The following NRXN1 variants were observed in gnomAD, a reference collection of about 807,000 sequenced individuals.
The protein encoded by NRXN1 is neurexin 1, also known as neurexin-1.
In NRXN1, 39 loss-of-function variants were observed where a neutral mutation model predicts 150.9. The observed-to-expected ratio is 0.26, with a 90% confidence interval of 0.20 to 0.34. The LOEUF (loss-of-function observed/expected upper bound fraction) is 0.34. Among genes scored for constraint, NRXN1 ranks in the 10% least tolerant of loss-of-function variants. The pLI is 1.00. For missense variants in NRXN1, 1,815 were observed against 1,949.9 expected (o/e 0.93, Z 1.30); for synonymous variants, 924 against 757.0 (o/e 1.22, Z -3.62).
intron 18 of NRXN1, among the ~76,000 whole-genome samples, chr2:50,194,356 T>G (rs1574429430): frequency 6.6e-6 from 1 of 152,278 alleles, no homozygotes; most frequent in Non-Finnish European, 1.5e-5. Context: ...CTCTTAATGC[T>G]TTACTATATT....
intron 5 of NRXN1, among the ~76,000 whole-genome samples, chr2:50,674,640 G>A (rs372256160): frequency 6.6e-6 from 1 of 152,154 alleles, no homozygotes; most frequent in African/African-American, 2.4e-5. Context: ...ACCTGAGAGT[G>A]TTTGGGAGTA....
At chr2:50,990,553 AG>A (rs1698395509) in intron 2 of NRXN1, among the ~76,000 whole-genome samples, 1 of 152,040 alleles carries the variant, frequency 6.6e-6, no homozygotes, top group African/African-American at 2.4e-5. Flanking sequence ...AAGAGTACAG[AG>A]GGGAACCTTA....
At chr2:50,210,522 A>C (rs1050072304) in intron 18 of NRXN1, among the ~76,000 whole-genome samples, 1 of 151,826 alleles carries the variant, frequency 6.6e-6, no homozygotes, top group Non-Finnish European at 1.5e-5. Flanking sequence ...TGTAATTTTG[A>C]ATAATCACTG....
intron 17 of NRXN1, among the ~76,000 whole-genome samples, chr2:50,307,942 T>A (rs1175386632): frequency 6.6e-6 from 1 of 152,250 alleles, no homozygotes; most frequent in Non-Finnish European, 1.5e-5. Context: ...GAGCACTGTA[T>A]TTAAGCTGAC....
intron 17 of NRXN1, among the ~76,000 whole-genome samples, chr2:50,284,547 T>C (rs751156325): frequency 6.6e-6 from 1 of 152,198 alleles, no homozygotes; most frequent in Admixed American, 6.5e-5. Context: ...AAAAAGGCTA[T>C]ATTTTGCTTT....
chr2:50,568,512 T>C lies in NRXN1; in HGVS notation c.1321-15487A>G, dbSNP rs184485626. 7.9e-5 allele frequency among the ~76,000 whole-genome samples: 12 copies of C among 152,244 alleles called. No individual in the cohort carries two copies. The East Asian group carries it at 1.9e-3, about 25-fold the overall frequency. The stretch of plus-strand genomic sequence containing the variant: ...GAAAAGACATTTCTCAAAAAAGGCA[T>C]ACAAATGTCAAAGAGGTATATGACA... On this transcript the variant is annotated intron_variant, in intron 8 of 22. Coordinates refer to ENST00000401669, the MANE Select transcript of NRXN1 (RefSeq NM_001330078.2).
chr2:51,031,263 C>T (rs181421068), intron 1 of NRXN1, among the ~76,000 whole-genome samples: 44 of 152,062 alleles, frequency 2.9e-4, no homozygotes, highest in Non-Finnish European at 4.9e-4. Flanking sequence ...AAAGAAGAAG[C>T]GCTCTAATTC....
intron 5 of NRXN1, among the ~76,000 whole-genome samples, chr2:50,645,557 T>C (rs1048106136): frequency 6.6e-6 from 1 of 152,006 alleles, no homozygotes; most frequent in Admixed American, 6.6e-5. Flanking sequence ...GTAGTCGTCA[T>C]GGTGATTGTT....
intron 18 of NRXN1, among the ~76,000 whole-genome samples, chr2:50,204,737 G>A (rs925072502): frequency 2.0e-5 from 3 of 151,760 alleles, no homozygotes; most frequent in Non-Finnish European, 4.4e-5. Flanking sequence ...ATTATTTTTG[G>A]CCAAAGAGTG....
At position 50,346,650 on chromosome 2, in the gene NRXN1, G is replaced by T; in HGVS notation, c.3365-109680C>A. ...GCGAGTGCAGGGTAGAAAGAGGGGAGCGAGGGGATAACCCGCGAGAACTTG... is the reference window on the plus strand; with the variant it reads ...GCGAGTGCAGGGTAGAAAGAGGGGATCGAGGGGATAACCCGCGAGAACTTG... On this transcript the variant is annotated intron_variant, in intron 17 of 22. Coordinates refer to ENST00000401669, the MANE Select transcript of NRXN1 (RefSeq NM_001330078.2). This position sits in a 1 kb window ranked among gnomAD's most constrained non-coding sequence, Gnocchi z 5.0. 6.2e-7 allele frequency: 1 copy of T among 1,603,608 alleles called. No individual in the cohort carries two copies. The highest frequency in any genetic ancestry group is 8.5e-7 in the Non-Finnish European group (1 of 1,171,432).
intron 2 of NRXN1, among the ~76,000 whole-genome samples, chr2:51,006,266 A>G (rs1700708863): frequency 6.6e-6 from 1 of 151,782 alleles, no homozygotes; most frequent in Admixed American, 6.6e-5. Flanking sequence ...GAAGCTGGAA[A>G]CCATCATTCT....
intron 5 of NRXN1, among the ~76,000 whole-genome samples, chr2:50,772,063 G>A (rs1703073356): frequency 6.6e-6 from 1 of 151,994 alleles, no homozygotes. Flanking sequence ...GAAATACCAG[G>A]TGACTGGAGT....
intron 5 of NRXN1, among the ~76,000 whole-genome samples, chr2:50,823,268 A>G (rs982575727): frequency 1.3e-5 from 2 of 152,132 alleles, no homozygotes; most frequent in Non-Finnish European, 1.5e-5. Flanking sequence ...CTATCACAAA[A>G]CTGTTACAGT....
chr2:50,701,406 C>A (rs1350686377), intron 5 of NRXN1, among the ~76,000 whole-genome samples: 2 of 152,068 alleles, frequency 1.3e-5, no homozygotes, highest in Non-Finnish European at 2.9e-5. Flanking sequence ...ACAGACAATT[C>A]TTTTCACAGA....
intron 17 of NRXN1, among the ~76,000 whole-genome samples, chr2:50,345,824 C>T (rs2077913793): frequency 6.6e-6 from 1 of 152,222 alleles, no homozygotes; most frequent in Non-Finnish European, 1.5e-5. Flanking sequence ...GCCCAGCCAG[C>T]ATTGACTGAC....
At chr2:50,868,528 A>G (rs1393259263) in intron 5 of NRXN1, among the ~76,000 whole-genome samples, 1 of 151,680 alleles carries the variant, frequency 6.6e-6, no homozygotes, top group Non-Finnish European at 1.5e-5. Context: ...CTGTACCAAA[A>G]CTGCACTTGT....
chr2:50,259,988 C>T (rs1341761106), intron 17 of NRXN1, among the ~76,000 whole-genome samples: 1 of 151,772 alleles, frequency 6.6e-6, no homozygotes, highest in African/African-American at 2.4e-5. Context: ...GGGTTATCTG[C>T]ACTTCTTGTA....
chr2:50,610,253 T>C (rs1443340393), intron 8 of NRXN1, among the ~76,000 whole-genome samples: 1 of 152,280 alleles, frequency 6.6e-6, no homozygotes, highest in East Asian at 1.9e-4. Context: ...CTTAAATTTA[T>C]ATGAAGGTGT....
intron 17 of NRXN1, among the ~76,000 whole-genome samples, chr2:50,243,716 C>G (rs569229825): frequency 6.6e-6 from 1 of 151,792 alleles, no homozygotes; most frequent in African/African-American, 2.4e-5. Flanking sequence ...TAAGGTTTTC[C>G]AAATTTTTAA....
Sources: gnomAD v4.1 joint callset for allele counts (sites outside exome capture counted in the v4.1 genomes callset) on GRCh38, gnomAD v4.1.1 for gene constraint, Gnocchi (gnomAD v3.1) non-coding constraint, MANE v1.5 for transcripts, NCBI Gene and HGNC (gene_info 2026-07-23, HGNC 2026-07-21) for gene names.